Variants in SLC38A9 observed in about 807,000 individuals in gnomAD.
SLC38A9 encodes the protein neutral amino acid transporter 9.
Under a neutral mutation model 62.3 loss-of-function variants are expected in SLC38A9, and 48 were observed. The observed-to-expected ratio is 0.77, with a 90% CI of 0.61 to 0.98. SLC38A9 has a LOEUF of 0.98. Ranked by LOEUF, SLC38A9 falls within the 50% of genes least tolerant of loss-of-function variation. The pLI is 0.00. For synonymous variants in SLC38A9, 204 were observed against 227.7 expected (o/e 0.90, Z 0.94); for missense variants, 541 against 679.8 (o/e 0.80, Z 2.27).
chr5:55,637,437 G>T (rs1744612648), intron 12 of SLC38A9, among the ~76,000 whole-genome samples: 1 of 152,172 alleles, frequency 6.6e-6, no homozygotes, highest in South Asian at 2.1e-4. Flanking sequence ...TATTATAAAA[G>T]TAAACCATGT....
At chr5:55,686,348 G>A (rs1753817667) in intron 3 of SLC38A9, among the ~76,000 whole-genome samples, 2 of 152,024 alleles carry the variant, frequency 1.3e-5, no homozygotes, top group African/African-American at 4.8e-5. Context: ...ATTTCATTGT[G>A]GTTTTGATTT....
chr5:55,703,576 T>G (rs1756926220), intron 2 of SLC38A9, among the ~76,000 whole-genome samples: 1 of 152,240 alleles, frequency 6.6e-6, no homozygotes, highest in Admixed American at 6.5e-5. Flanking sequence ...TACTCATTAC[T>G]GTTAATTTCA....
At chr5:55,639,271 C>CT (rs1198524004) in intron 12 of SLC38A9, among the ~76,000 whole-genome samples, 2 of 88,306 alleles carry the variant, frequency 2.3e-5, no homozygotes, top group African/African-American at 5.2e-5. Flanking sequence ...GAAACTCTGT[C>CT]TAAAAAAAAA....
At chr5:55,688,564 T>C (rs1754288891) in intron 3 of SLC38A9, among the ~76,000 whole-genome samples, 1 of 151,892 alleles carries the variant, frequency 6.6e-6, no homozygotes. Flanking sequence ...GTATTTTTAG[T>C]AGAGACGGGG....
rs1234078946 is a variant in SLC38A9, at chr5:55,672,586, T to A, written c.223A>T (p.Thr75Ser). The A allele has an allele frequency of 6.2e-7, 1 of 1,614,158 alleles. No homozygotes were observed. The highest frequency in any genetic ancestry group is 1.7e-5 in the Admixed American group (1 of 60,008). ...ACCAGTGCCTTGTCTGCAGGAGTGGTGAGCCGGCTGTAGTAATGAATTCTC... is the reference window on the plus strand; with the variant it reads ...ACCAGTGCCTTGTCTGCAGGAGTGGAGAGCCGGCTGTAGTAATGAATTCTC... ...NKRIHYYSRL[T>S]TPADKALIAP... The change falls in exon 4 of 16, where the codon ACC becomes TCC. Residue 75 changes from threonine (T) to serine (S), a missense_variant. Physicochemically the swap from Thr to Ser is moderately conservative, Grantham distance 58. Coordinates refer to ENST00000396865, the MANE Select transcript of SLC38A9 (RefSeq NM_173514.4).
At chr5:55,667,467 A>T (rs1326414741) in intron 7 of SLC38A9, among the ~76,000 whole-genome samples, 2 of 152,156 alleles carry the variant, frequency 1.3e-5, no homozygotes, top group Non-Finnish European at 2.9e-5. Flanking sequence ...TGATGTAATT[A>T]TGAATTTTTC....
At chr5:55,640,533 A>C (rs569562044) in intron 12 of SLC38A9, among the ~76,000 whole-genome samples, 1 of 152,296 alleles carries the variant, frequency 6.6e-6, no homozygotes, top group East Asian at 1.9e-4. Context: ...AAGAACGCCC[A>C]TCTCAGTCCA....
At chr5:55,652,753 G>A in intron 9 of SLC38A9, 30 bp from the exon 10 acceptor site, 1 of 1,510,238 alleles carries the variant, frequency 6.6e-7, no homozygotes, top group Admixed American at 2.1e-5. Flanking sequence ...GATTAAAGAA[G>A]ATGACAAAAA....
At chr5:55,678,121 G>A (rs1298479106) in intron 3 of SLC38A9, among the ~76,000 whole-genome samples, 3 of 147,882 alleles carry the variant, frequency 2.0e-5, no homozygotes, top group Non-Finnish European at 4.5e-5. Context: ...AACCACAAAA[G>A]GTGAACAAGG....
At chr5:55,706,672 T>G (rs184907912) in intron 2 of SLC38A9, among the ~76,000 whole-genome samples, 182 of 152,316 alleles carry the variant, frequency 1.2e-3, no homozygotes, top group African/African-American at 4.1e-3. Flanking sequence ...AAGTCCCTGG[T>G]GCCTTTCAAA....
At chr5:55,626,982 G>T (rs1742550996) in intron 15 of SLC38A9, among the ~76,000 whole-genome samples, 1 of 152,044 alleles carries the variant, frequency 6.6e-6, no homozygotes, top group Non-Finnish European at 1.5e-5. Context: ...TCCTATCTTT[G>T]ATCTTTTATA....
intron 3 of SLC38A9, among the ~76,000 whole-genome samples, chr5:55,682,114 C>G (rs1456954751): frequency 6.6e-6 from 1 of 152,092 alleles, no homozygotes; most frequent in Admixed American, 6.5e-5. Flanking sequence ...AGCCTACATG[C>G]CCTTAACAGA....
intron 14 of SLC38A9, among the ~76,000 whole-genome samples, chr5:55,628,595 TAA>T (rs1483339802): frequency 6.6e-6 from 1 of 152,210 alleles, no homozygotes; most frequent in Non-Finnish European, 1.5e-5. Context: ...AAACTTTTCA[TAA>T]AGTGTTCAAA....
At chr5:55,657,999 T>C (rs1420503521) in intron 8 of SLC38A9, 1 of 152,130 alleles carries the variant, frequency 6.6e-6, no homozygotes, top group African/African-American at 2.4e-5. Context: ...TGACACGAAG[T>C]GTACTGGGTT....
chr5:55,652,483 C>G (rs373620287), intron 10 of SLC38A9, 46 bp downstream of exon 10: 3 of 1,238,536 alleles, frequency 2.4e-6, no homozygotes, highest in South Asian at 3.9e-5. Flanking sequence ...GACTCCACCA[C>G]GTATTCTATT....
chr5:55,658,584 G>A (rs543267236), intron 8 of SLC38A9, among the ~76,000 whole-genome samples: 3 of 152,312 alleles, frequency 2.0e-5, no homozygotes, highest in African/African-American at 2.4e-5. Flanking sequence ...AACCAACAAA[G>A]GTTAGGAAGA....
chr5:55,695,932 G>T (rs1157488001), intron 3 of SLC38A9: 3 of 86,942 alleles, frequency 3.5e-5, no homozygotes, highest in African/African-American at 1.0e-4. Flanking sequence ...CGGGGCGGCT[G>T]GCCGGGCAGA....
intron 9 of SLC38A9, among the ~76,000 whole-genome samples, chr5:55,654,919 C>G (rs1748132281): frequency 6.6e-6 from 1 of 152,090 alleles, no homozygotes; most frequent in Non-Finnish European, 1.5e-5. Context: ...CTCACTGTAG[C>G]CTCAACCCCT....
intron 10 of SLC38A9, among the ~76,000 whole-genome samples, chr5:55,649,829 A>G (rs941661546): frequency 2.0e-5 from 3 of 151,732 alleles, no homozygotes; most frequent in Non-Finnish European, 2.9e-5. Flanking sequence ...CTCAAAGGAA[A>G]AAAAAAAGAA....
Sources: gnomAD v4.1 joint callset for allele counts (sites outside exome capture counted in the v4.1 genomes callset) on GRCh38, gnomAD v4.1.1 for gene constraint, MANE v1.5 for transcripts, NCBI Gene and HGNC (gene_info 2026-07-23, HGNC 2026-07-21) for gene names.